Variants in SEZ6 observed in about 807,000 individuals in gnomAD.
SEZ6 encodes seizure related 6 homolog, also known as seizure protein 6 homolog.
In SEZ6, 53 loss-of-function variants were observed where a neutral mutation model predicts 101.0. The observed-to-expected ratio is 0.52, with a 90% CI of 0.42 to 0.66. The LOEUF (loss-of-function observed/expected upper bound fraction) is 0.66, where lower values mean the gene tolerates loss of function less well. SEZ6 is among the 30% of genes least tolerant of loss of function. The probability of loss-of-function intolerance (pLI) is 0.00; values close to 1 mark genes in which losing one functional copy is unlikely to be tolerated. For missense variants in SEZ6, 1,102 were observed against 1,289.4 expected (o/e 0.85, Z 2.23); for synonymous variants, 488 against 512.2 (o/e 0.95, Z 0.64).
intron 1 of SEZ6, among the ~76,000 whole-genome samples, chr17:28,994,769 T>C (rs2041512936): frequency 6.6e-6 from 1 of 151,764 alleles, no homozygotes; most frequent in Admixed American, 6.6e-5. Context: ...GACCCTTTAT[T>C]ATCGGTGCTC....
chr17:28,975,294 C>G (rs1207800424), intron 3 of SEZ6, among the ~76,000 whole-genome samples: 3 of 152,218 alleles, frequency 2.0e-5, no homozygotes, highest in African/African-American at 7.2e-5. Flanking sequence ...TGAGGTGCCC[C>G]TGCTCAGTCA....
intron 4 of SEZ6, among the ~76,000 whole-genome samples, chr17:28,964,885 C>T (rs192131893): frequency 2.0e-5 from 3 of 151,470 alleles, no homozygotes; most frequent in Admixed American, 6.6e-5. Flanking sequence ...GGATAAACCC[C>T]GTCTCTACTA....
At chr17:28,966,160 T>TAAAATA (rs1452166261) in intron 4 of SEZ6, among the ~76,000 whole-genome samples, 1 of 141,306 alleles carries the variant, frequency 7.1e-6, no homozygotes, top group East Asian at 2.1e-4. Context: ...ATAAAATAAA[T>TAAAATA]AAATAAAATA....
intron 3 of SEZ6, among the ~76,000 whole-genome samples, chr17:28,972,218 C>T (rs1880794343): frequency 6.6e-6 from 1 of 152,266 alleles, no homozygotes; most frequent in South Asian, 2.1e-4. Context: ...GCCCATCTTG[C>T]TGTTAAAGCC....
chr17:28,970,056 CA>C lies in SEZ6; in HGVS notation c.859-105del. 3 of 1,070,168 alleles carry C rather than the reference CA, an allele frequency of 2.8e-6. No homozygotes were observed. The South Asian group carries it at 5.4e-5, about 19-fold the overall frequency. The allele number at this position is 1,070,168 out of a possible 1,614,324, so 66.3% of individuals were successfully genotyped here. On this transcript the variant is annotated intron_variant, in intron 3 of 16. Transcript: ENST00000317338. ...TGCAGGCCCCGGGCAGATCAATCCT[CA>C]ATGCTACTTGAGCATCGGAGCCCCC...
intron 1 of SEZ6, among the ~76,000 whole-genome samples, chr17:28,994,939 T>C (rs1425539431): frequency 6.6e-6 from 1 of 151,668 alleles, no homozygotes; most frequent in Non-Finnish European, 1.5e-5. Flanking sequence ...AGTGGTGCGA[T>C]CTTGACTCAT....
intron 4 of SEZ6, among the ~76,000 whole-genome samples, chr17:28,966,050 G>A (rs1426447977): frequency 1.3e-5 from 2 of 151,984 alleles, no homozygotes; most frequent in African/African-American, 4.8e-5. Flanking sequence ...GGCTGAGGCA[G>A]GAGAATCGCT....
intron 1 of SEZ6, among the ~76,000 whole-genome samples, chr17:29,003,257 C>T (rs1241401140): frequency 6.6e-6 from 1 of 152,246 alleles, no homozygotes; most frequent in African/African-American, 2.4e-5. Flanking sequence ...CTGGATGGCC[C>T]AGGCACCCCA....
chr17:29,002,132 T>G (rs1598217689), intron 1 of SEZ6, among the ~76,000 whole-genome samples: 1 of 148,384 alleles, frequency 6.7e-6, no homozygotes, highest in Non-Finnish European at 1.5e-5. Flanking sequence ...GTTGGTAGAG[T>G]GCTGAGCCAT....
intron 1 of SEZ6, among the ~76,000 whole-genome samples, chr17:29,004,783 G>T (rs550278907): frequency 6.6e-6 from 1 of 152,172 alleles, no homozygotes; most frequent in African/African-American, 2.4e-5. Flanking sequence ...AAGGACGTGG[G>T]TGCCAGTAGC....
At chr17:29,003,195 A>G (rs1276499729) in intron 1 of SEZ6, among the ~76,000 whole-genome samples, 1 of 152,232 alleles carries the variant, frequency 6.6e-6, no homozygotes, top group Non-Finnish European at 1.5e-5. Flanking sequence ...AAACTGACAC[A>G]GCAGGCTCGG....
chr17:28,989,245 AG>A (rs1373192217), intron 1 of SEZ6, among the ~76,000 whole-genome samples: 20 of 152,188 alleles, frequency 1.3e-4, no homozygotes, highest in African/African-American at 3.4e-4. Flanking sequence ...TGAACCATGA[AG>A]GGCTCTATGA....
At position 28,959,735 on chromosome 17, in the gene SEZ6, G is replaced by C. The variant is rs201821795; in HGVS notation, c.1734C>G (p.His578Gln). The C allele has an allele frequency of 4.5e-4, 719 of 1,608,270 alleles. 7 individuals carry two copies. In the Middle Eastern group the frequency reaches 4.9e-3, roughly 11 times the overall value. The part of the protein sequence containing the change: ...GSIIIECVDP[H>Q]DPQWNETEPA... The stretch of plus-strand genomic sequence containing the variant: ...GCTCTGTCTCATTCCACTGGGGGTC[G>C]TGGGGGTCAACACACTCGATGATGA... The change falls in exon 8 of 17, where the codon CAC becomes CAG. Residue 578 changes from histidine (H) to glutamine (Q), a missense_variant. His to Gln is a conservative substitution (Grantham distance 24). Around this residue, in one of 3 missense-constraint regions of SEZ6, gnomAD observed 556 missense variants for 735.1 expected, o/e 0.76. Coordinates refer to ENST00000317338, the MANE Select transcript of SEZ6 (RefSeq NM_178860.5). The surrounding 1 kb of genome is among the most constrained non-coding windows in gnomAD (Gnocchi z 4.4).
At chr17:28,967,042 A>C (rs1012903994) in intron 4 of SEZ6, among the ~76,000 whole-genome samples, 1 of 152,160 alleles carries the variant, frequency 6.6e-6, no homozygotes, top group Admixed American at 6.5e-5. Flanking sequence ...CAAGTTACCT[A>C]AATTCTCTGT....
chr17:28,960,244 T>C (rs1475134599), intron 7 of SEZ6: 2 of 592,568 alleles, frequency 3.4e-6, no homozygotes, highest in Non-Finnish European at 6.0e-6. Context: ...GAGGCCTTTT[T>C]TGCTTTTCAA....
intron 4 of SEZ6, among the ~76,000 whole-genome samples, chr17:28,965,629 T>C (rs2041053413): frequency 6.6e-6 from 1 of 151,712 alleles, no homozygotes; most frequent in Admixed American, 6.6e-5. Context: ...ACAGAGTGAG[T>C]CCCTGTTTCG....
chr17:28,991,571 G>A (rs562630678), intron 1 of SEZ6, among the ~76,000 whole-genome samples: 9 of 152,134 alleles, frequency 5.9e-5, no homozygotes, highest in African/African-American at 1.4e-4. Flanking sequence ...ATCCCTACCT[G>A]ACTTCTCAGC....
At position 28,957,212 on chromosome 17, in the gene SEZ6, C is replaced by T; in HGVS notation, c.2525G>A (p.Ser842Asn). The change falls in exon 13 of 17, where the codon AGT becomes AAT. Residue 842 changes from serine to asparagine, a missense_variant. Around this residue, in one of 3 missense-constraint regions of SEZ6, gnomAD observed 556 missense variants for 735.1 expected, o/e 0.76. Transcript: ENST00000317338. ...ACTTCGGGCACCATTCTCAGGGGCA[C>T]TGAGACCATGGCATGGCTTGAGCTG... is the stretch of plus-strand genomic sequence containing the variant. Reference protein sequence around the residue: ...LEQLKPCHGLSAPENGARSPE... With the variant: ...LEQLKPCHGLNAPENGARSPE... 1 of 1,614,032 alleles carries T rather than the reference C, an allele frequency of 6.2e-7. No individual in the cohort carries two copies. Among genetic ancestry groups the T allele is most frequent in the East Asian group, 2.2e-5 (1 of 44,878 alleles).
intron 1 of SEZ6, among the ~76,000 whole-genome samples, chr17:28,991,595 C>T (rs2152691663): frequency 6.6e-6 from 1 of 152,314 alleles, no homozygotes; most frequent in South Asian, 2.1e-4. Flanking sequence ...ACAGTAGTCA[C>T]ACCTCTCAGT....
Sources: allele counts gnomAD v4.1 joint callset (sites outside exome capture counted in the v4.1 genomes callset), GRCh38; gene constraint gnomAD v4.1.1; regional missense constraint gnomAD v4.1.1; non-coding constraint Gnocchi (gnomAD v3.1); transcripts MANE v1.5; gene names NCBI Gene and HGNC (gene_info 2026-07-23, HGNC 2026-07-21).